CDH10: variants seen among roughly 807,000 people sequenced by gnomAD.
CDH10 encodes cadherin 10.
CDH10 carries 30 observed loss-of-function variants against 73.1 expected under a neutral mutation model. The observed-to-expected ratio is 0.41, with a 90% CI of 0.31 to 0.56. The LOEUF (loss-of-function observed/expected upper bound fraction) is 0.56, where lower values mean the gene tolerates loss of function less well. Among genes scored for constraint, CDH10 ranks in the 20% least tolerant of loss-of-function variants. CDH10 has a pLI of 0.27. For synonymous variants in CDH10, 345 were observed against 348.2 expected (o/e 0.99, Z 0.10); for missense variants, 815 against 973.7 (o/e 0.84, Z 2.17).
intron 5 of CDH10, among the ~76,000 whole-genome samples, chr5:24,531,922 T>C (rs1743769482): frequency 6.6e-6 from 1 of 152,100 alleles, no homozygotes; most frequent in African/African-American, 2.4e-5. Flanking sequence ...TCTTTGTCAT[T>C]AAAATTGTAA....
chr5:24,606,159 A>G (rs972936342), intron 1 of CDH10, among the ~76,000 whole-genome samples: 1 of 152,186 alleles, frequency 6.6e-6, no homozygotes, highest in African/African-American at 2.4e-5. Flanking sequence ...GCATTTATCA[A>G]AATTCATAGA....
At chr5:24,588,171 C>T (rs770843557) in intron 2 of CDH10, among the ~76,000 whole-genome samples, 3 of 152,160 alleles carry the variant, frequency 2.0e-5, no homozygotes, top group Non-Finnish European at 4.4e-5. Flanking sequence ...CCAAAGGAGT[C>T]TCTGTCAATG....
intron 1 of CDH10, among the ~76,000 whole-genome samples, chr5:24,608,417 C>T (rs960122534): frequency 5.3e-5 from 8 of 151,946 alleles, no homozygotes; most frequent in African/African-American, 9.7e-5. Flanking sequence ...CTCAGCCTCC[C>T]GAGTAACTGG....
At chr5:24,548,380 C>T (rs1467673463) in intron 2 of CDH10, among the ~76,000 whole-genome samples, 1 of 151,366 alleles carries the variant, frequency 6.6e-6, no homozygotes, top group African/African-American at 2.4e-5. Context: ...CTTGGCCTCC[C>T]AAAATGCTGG....
At chr5:24,521,276 G>A (rs1743321928) in intron 5 of CDH10, among the ~76,000 whole-genome samples, 2 of 152,154 alleles carry the variant, frequency 1.3e-5, no homozygotes, top group Non-Finnish European at 2.9e-5. Flanking sequence ...CGGGTGTGGT[G>A]GCTCATGCCT....
chr5:24,644,588 TCCTA>T lies in CDH10; in HGVS notation c.-124+2_-124+5del, dbSNP rs1748155674. The T allele has an allele frequency of 6.6e-6, 1 of 152,066 alleles. No homozygotes were observed. The highest frequency in any genetic ancestry group is 2.4e-5 in the African/African-American group (1 of 41,416). The allele number at this position is 152,066 out of a possible 1,614,324, so 9.4% of individuals were successfully genotyped here. A position where few individuals can be genotyped will look rare whatever the true frequency, so the allele number is the denominator to read the frequency against. On this transcript the variant is annotated splice_donor_variant and splice_donor_5th_base_variant and intron_variant, in intron 1 of 11. Transcript: ENST00000264463. LOFTEE classifies it low-confidence loss of function (5UTR_SPLICE). Reference sequence around the variant, plus strand: ...GAGTTAAAAGAAAGAGGTGAAGTCTTCCTACCTTTTTTATCAGCTTCTGGATAAT... The same window carrying T: ...GAGTTAAAAGAAAGAGGTGAAGTCTTCCTTTTTTATCAGCTTCTGGATAAT...
intron 2 of CDH10, among the ~76,000 whole-genome samples, chr5:24,548,057 C>G (rs908787973): frequency 6.6e-6 from 1 of 152,108 alleles, no homozygotes; most frequent in African/African-American, 2.4e-5. Flanking sequence ...TTCATGTAAG[C>G]GTTGATATTC....
At chr5:24,530,492 T>C (rs952488571) in intron 5 of CDH10, among the ~76,000 whole-genome samples, 3 of 151,950 alleles carry the variant, frequency 2.0e-5, no homozygotes, top group Non-Finnish European at 4.4e-5. Flanking sequence ...GGAAAAGGGG[T>C]AAACAGGACT....
chr5:24,587,129 C>G (rs1005073397), intron 2 of CDH10, among the ~76,000 whole-genome samples: 3 of 152,136 alleles, frequency 2.0e-5, no homozygotes, highest in Admixed American at 1.3e-4. Context: ...CAGGCGTGAG[C>G]CACCGCGCCC....
intron 1 of CDH10, among the ~76,000 whole-genome samples, chr5:24,599,107 T>G (rs1746472686): frequency 6.6e-6 from 1 of 152,144 alleles, no homozygotes. Context: ...AAATGTAACT[T>G]GATCCACAAG....
chr5:24,560,502 G>A (rs1162661720), intron 2 of CDH10, among the ~76,000 whole-genome samples: 2 of 151,580 alleles, frequency 1.3e-5, no homozygotes, highest in Non-Finnish European at 2.9e-5. Flanking sequence ...ATTGAGGTGT[G>A]CCCTAAGTTT....
At chr5:24,535,661 A>G (rs751537777) in intron 4 of CDH10, 42 bp downstream of exon 4, 10 of 1,575,336 alleles carry the variant, frequency 6.3e-6, no homozygotes, top group Non-Finnish European at 6.1e-6. Flanking sequence ...TAAAGGTCAT[A>G]AAGATGATCA....
intron 2 of CDH10, among the ~76,000 whole-genome samples, chr5:24,571,154 A>G (rs1020184150): frequency 6.6e-6 from 1 of 152,158 alleles, no homozygotes; most frequent in Non-Finnish European, 1.5e-5. Context: ...AATCTCTCAC[A>G]ACCAGCATCT....
At chr5:24,602,930 C>T (rs1310770124) in intron 1 of CDH10, among the ~76,000 whole-genome samples, 1 of 152,150 alleles carries the variant, frequency 6.6e-6, no homozygotes, top group Non-Finnish European at 1.5e-5. Flanking sequence ...TTCCTGAATA[C>T]ATTCGCTATC....
At chr5:24,558,738 T>C (rs1180926582) in intron 2 of CDH10, among the ~76,000 whole-genome samples, 1 of 151,790 alleles carries the variant, frequency 6.6e-6, no homozygotes, top group African/African-American at 2.4e-5. Context: ...GATACATCTA[T>C]ATTATTACCA....
intron 1 of CDH10, among the ~76,000 whole-genome samples, chr5:24,611,224 C>A (rs1411981279): frequency 6.6e-6 from 1 of 152,022 alleles, no homozygotes; most frequent in African/African-American, 2.4e-5. Context: ...AATTGATACA[C>A]CAAACAATGC....
At chr5:24,601,114 T>A (rs1175062790) in intron 1 of CDH10, among the ~76,000 whole-genome samples, 1 of 152,148 alleles carries the variant, frequency 6.6e-6, no homozygotes, top group Admixed American at 6.5e-5. Flanking sequence ...TATTTTAAAA[T>A]AAATTAAATC....
intron 5 of CDH10, among the ~76,000 whole-genome samples, chr5:24,524,950 C>T (rs1179423786): frequency 6.6e-6 from 1 of 152,054 alleles, no homozygotes; most frequent in East Asian, 1.9e-4. Context: ...CTGTTCACTT[C>T]TTCTACCAAA....
At chr5:24,554,140 C>T (rs1351510006) in intron 2 of CDH10, 3 of 48,500 alleles carry the variant, frequency 6.2e-5, no homozygotes, top group Non-Finnish European at 1.4e-4. Flanking sequence ...GACATTCAAT[C>T]AGCCCTCAGG....
Sources: gnomAD v4.1 joint callset for allele counts (sites outside exome capture counted in the v4.1 genomes callset) on GRCh38, gnomAD v4.1.1 for gene constraint, MANE v1.5 for transcripts, NCBI Gene and HGNC (gene_info 2026-07-23, HGNC 2026-07-21) for gene names.